The following CNTNAP5 variants were observed in gnomAD, a reference collection of about 807,000 sequenced individuals.
CNTNAP5 encodes the protein contactin associated protein family member 5.
A neutral mutation model predicts 150.2 loss-of-function variants in CNTNAP5; 72 were observed. That is an observed-to-expected ratio of 0.48 (90% CI 0.40 to 0.58). CNTNAP5 has a LOEUF of 0.58. Ranked by LOEUF, CNTNAP5 falls within the 20% of genes least tolerant of loss-of-function variation. CNTNAP5 has a pLI of 0.00. For synonymous variants in CNTNAP5, 672 were observed against 619.8 expected (o/e 1.08, Z -1.25); for missense variants, 1,636 against 1,626.2 (o/e 1.01, Z -0.10).
chr2:124,621,168 A>C (rs2104997030), intron 12 of CNTNAP5, among the ~76,000 whole-genome samples: 1 of 152,310 alleles, frequency 6.6e-6, no homozygotes, highest in African/African-American at 2.4e-5. Flanking sequence ...AATGTGTTAA[A>C]AGATATTTCT....
At position 124,668,245 on chromosome 2, in the gene CNTNAP5, G is replaced by A. The variant is rs566672493; in HGVS notation, c.2077+20287G>A. Among the ~76,000 whole-genome samples, 22 of 152,244 alleles carry A rather than the reference G, an allele frequency of 1.4e-4. No homozygotes were observed. The East Asian group carries it at 3.9e-3, about 27-fold the overall frequency. ...TAGCTAGGAAAAACCTTTGGCATCC[G>A]GGGCTTCTGCAGGGAGCAGGCCAAG... On this transcript the variant is annotated intron_variant, in intron 13 of 23. Transcript: ENST00000682447.
At chr2:124,332,097 A>G (rs1261253108) in intron 3 of CNTNAP5, among the ~76,000 whole-genome samples, 2 of 151,694 alleles carry the variant, frequency 1.3e-5, no homozygotes, top group Non-Finnish European at 3.0e-5. Context: ...ACAGATATAT[A>G]TGTTTTACTC....
intron 19 of CNTNAP5, among the ~76,000 whole-genome samples, chr2:124,810,712 A>G (rs1262313923): frequency 1.3e-5 from 2 of 152,168 alleles, no homozygotes; most frequent in Non-Finnish European, 2.9e-5. Flanking sequence ...GTATTTCGGG[A>G]TAGCAGCTAT....
At chr2:124,724,758 A>G (rs1462800263) in intron 13 of CNTNAP5, among the ~76,000 whole-genome samples, 1 of 151,946 alleles carries the variant, frequency 6.6e-6, no homozygotes, top group Non-Finnish European at 1.5e-5. Context: ...CCAGCTCAAA[A>G]AAGTAGTATT....
intron 8 of CNTNAP5, among the ~76,000 whole-genome samples, chr2:124,512,128 C>G (rs576117994): frequency 6.6e-6 from 1 of 151,696 alleles, no homozygotes; most frequent in African/African-American, 2.4e-5. Flanking sequence ...GCTGTGGGAC[C>G]GGCTTTCTTA....
intron 8 of CNTNAP5, among the ~76,000 whole-genome samples, chr2:124,505,812 A>T (rs1319015433): frequency 1.3e-5 from 2 of 152,146 alleles, no homozygotes; most frequent in Non-Finnish European, 2.9e-5. Flanking sequence ...TTGGGCAGGG[A>T]TTGGTCTGCA....
chr2:124,496,762 A>G (rs889554481), intron 7 of CNTNAP5, among the ~76,000 whole-genome samples: 1 of 152,142 alleles, frequency 6.6e-6, no homozygotes, highest in African/African-American at 2.4e-5. Context: ...ACGTGCCAGG[A>G]TCTCACTGTC....
chr2:124,160,435 C>T lies in CNTNAP5; in HGVS notation c.83-61270C>T, dbSNP rs184104564. Among the ~76,000 whole-genome samples the T allele has an allele frequency of 5.9e-4, 89 of 152,056 alleles. No homozygotes were observed. In the East Asian group the frequency reaches 0.015, roughly 26 times the overall value. On this transcript the variant is annotated intron_variant, in intron 1 of 23. Transcript: ENST00000682447. ...ACATTAAGGTGATCAGATCAACAGT[C>T]GGAGTCCCTCCTTCTCCCCAACAAT... is the stretch of plus-strand genomic sequence containing the variant.
intron 4 of CNTNAP5, among the ~76,000 whole-genome samples, chr2:124,428,752 T>C (rs965886652): frequency 6.6e-6 from 1 of 152,058 alleles, no homozygotes; most frequent in Non-Finnish European, 1.5e-5. Context: ...CTAAGAACAT[T>C]ACCTTAGGTA....
chr2:124,765,712 T>C (rs964520418), intron 16 of CNTNAP5, among the ~76,000 whole-genome samples: 11 of 152,056 alleles, frequency 7.2e-5, no homozygotes, highest in African/African-American at 1.9e-4. Context: ...TCCTAGCACT[T>C]TGGGAGGCCT....
chr2:124,298,492 A>G (rs929910767), intron 3 of CNTNAP5, among the ~76,000 whole-genome samples: 1 of 152,200 alleles, frequency 6.6e-6, no homozygotes, highest in African/African-American at 2.4e-5. Context: ...ATCAAAAGTC[A>G]TAAGTGATTA....
At chr2:124,257,758 G>C (rs748914304) in intron 3 of CNTNAP5, among the ~76,000 whole-genome samples, 5 of 151,626 alleles carry the variant, frequency 3.3e-5, no homozygotes, top group Non-Finnish European at 5.9e-5. Context: ...CTCCATGCGA[G>C]TTAGTCTTGT....
chr2:124,670,292 T>C (rs1034917636), intron 13 of CNTNAP5, among the ~76,000 whole-genome samples: 2 of 151,884 alleles, frequency 1.3e-5, no homozygotes, highest in Admixed American at 6.6e-5. Flanking sequence ...CATATGTCAT[T>C]GTGGTTTTGA....
chr2:124,111,298 G>T (rs11675400), intron 1 of CNTNAP5, among the ~76,000 whole-genome samples: 1 of 152,150 alleles, frequency 6.6e-6, no homozygotes, highest in East Asian at 1.9e-4. Flanking sequence ...TGATGAAAAC[G>T]TGCTAAAGTG....
At chr2:124,109,838 C>T (rs764256816) in intron 1 of CNTNAP5, among the ~76,000 whole-genome samples, 4 of 152,170 alleles carry the variant, frequency 2.6e-5, no homozygotes, top group South Asian at 2.1e-4. Flanking sequence ...GCACTATTAA[C>T]GGCACTTTAT....
intron 13 of CNTNAP5, among the ~76,000 whole-genome samples, chr2:124,707,838 GT>G (rs1238076515): frequency 6.6e-6 from 1 of 152,158 alleles, no homozygotes; most frequent in African/African-American, 2.4e-5. Flanking sequence ...TTTCCTTTCA[GT>G]GCAAGCTGAA....
intron 14 of CNTNAP5, among the ~76,000 whole-genome samples, chr2:124,750,331 G>A (rs1457167463): frequency 6.6e-6 from 1 of 152,168 alleles, no homozygotes; most frequent in African/African-American, 2.4e-5. Context: ...CCATCTTTGG[G>A]CAAAGTCTAG....
At chr2:124,809,003 A>G (rs996126458) in intron 19 of CNTNAP5, among the ~76,000 whole-genome samples, 2 of 151,690 alleles carry the variant, frequency 1.3e-5, no homozygotes, top group African/African-American at 2.4e-5. Context: ...TATACTGGAG[A>G]TAAGAGTCCT....
intron 6 of CNTNAP5, among the ~76,000 whole-genome samples, chr2:124,461,483 C>CA (rs1384149438): frequency 6.7e-4 from 90 of 134,744 alleles, no homozygotes; most frequent in Non-Finnish European, 1.1e-3. Context: ...ACAATGAGAA[C>CA]ACACGAACAC....
Sources: gnomAD v4.1 joint callset for allele counts (sites outside exome capture counted in the v4.1 genomes callset) on GRCh38, gnomAD v4.1.1 for gene constraint, MANE v1.5 for transcripts, NCBI Gene and HGNC (gene_info 2026-07-23, HGNC 2026-07-21) for gene names.